Variants in SIRT1 observed in about 807,000 individuals in gnomAD.
SIRT1 encodes sirtuin 1, also known as NAD-dependent protein deacetylase sirtuin-1.
In SIRT1, 24 loss-of-function variants were observed where a neutral mutation model predicts 67.9. The ratio of observed to expected loss-of-function variants is 0.35; its 90% CI spans 0.26 to 0.50. SIRT1 has a LOEUF of 0.50. SIRT1 is among the 20% of genes least tolerant of loss of function. The pLI is 0.98. For missense variants in SIRT1, 873 were observed against 937.2 expected, an observed-to-expected ratio of 0.93 and a Z score of 0.89; for synonymous variants, 378 against 350.7, an observed-to-expected ratio of 1.08 and a Z score of -0.87.
Position 67,917,429 on chromosome 10 carries a change from T to C in SIRT1, c.*836T>C, listed in dbSNP as rs202101696. On this transcript the variant is annotated 3_prime_UTR_variant, in exon 9 of 9. Transcript: ENST00000212015. ...AGTTTTGAAATATTTGCCATTGTTG[T>C]TTAAATACCTATCACTGTGGTAGAG... The C allele has an allele frequency of 1.3e-5, 2 of 152,656 alleles. No individual in the cohort carries two copies. Among genetic ancestry groups the C allele is most frequent in the East Asian group, 3.8e-4 (2 of 5,202 alleles). The allele number at this position is 152,656 out of a possible 1,614,324, so 9.5% of individuals were successfully genotyped here. A position where few individuals can be genotyped will look rare whatever the true frequency, so the allele number is the denominator to read the frequency against.
At chr10:67,894,939 G>A (rs931901359) in intron 4 of SIRT1, among the ~76,000 whole-genome samples, 2 of 152,050 alleles carry the variant, frequency 1.3e-5, no homozygotes, top group East Asian at 1.9e-4. Context: ...CTCGTGATCC[G>A]CCCGTTTCAG....
At chr10:67,902,366 C>T (rs905200949) in intron 4 of SIRT1, among the ~76,000 whole-genome samples, 1 of 152,176 alleles carries the variant, frequency 6.6e-6, no homozygotes, top group Non-Finnish European at 1.5e-5. Context: ...CCCACCTCCA[C>T]CCCCTGCTAA....
intron 1 of SIRT1, chr10:67,885,484 T>TTTTCTTTTTC (rs1842463062): frequency 2.1e-6 from 2 of 951,016 alleles, no homozygotes; most frequent in Non-Finnish European, 2.7e-6. Flanking sequence ...AGAGCTTTTT[T>TTTTCTTTTTC]TTTCTTTTTC....
At chr10:67,908,696 AAG>A (rs1842855285) in intron 6 of SIRT1, among the ~76,000 whole-genome samples, 1 of 152,094 alleles carries the variant, frequency 6.6e-6, no homozygotes, top group Non-Finnish European at 1.5e-5. Flanking sequence ...TTGAGGTCAG[AAG>A]TGAGACCAGC....
rs935919823 is a variant in SIRT1 at position 67,884,685 on chromosome 10, G to A, written c.-37G>A. The A allele has an allele frequency of 9.8e-6, 12 of 1,227,088 alleles. No individual in the cohort carries two copies. Among genetic ancestry groups the A allele is most frequent in the African/African-American group, 6.2e-5 (4 of 64,136 alleles). The allele number at this position is 1,227,088 out of a possible 1,614,324, so 76.0% of individuals were successfully genotyped here. ...GTGCCGCGCGTCGAGCGGGAGCAGA[G>A]GAGGCGAGGGAGGAGGGCCAGAGAG... On this transcript the variant is annotated 5_prime_UTR_variant, in exon 1 of 9. Transcript: ENST00000212015.
At chr10:67,887,703 A>G (rs545255232) in intron 2 of SIRT1, among the ~76,000 whole-genome samples, 170 bp downstream of exon 2, 49 of 152,298 alleles carry the variant, frequency 3.2e-4, no homozygotes, top group African/African-American at 1.2e-3. Context: ...CAGCCTCCCC[A>G]GCAGCTGGGA....
chr10:67,886,704 A>G (rs1487056481), intron 1 of SIRT1, among the ~76,000 whole-genome samples: 2 of 152,276 alleles, frequency 1.3e-5, no homozygotes, highest in East Asian at 3.9e-4. Flanking sequence ...AGAGGAAACA[A>G]TGCAGAGGTA....
At chr10:67,906,081 G>C (rs1363055255) in intron 4 of SIRT1, 1 of 1,177,972 alleles carries the variant, frequency 8.5e-7, no homozygotes, top group South Asian at 3.4e-5. Flanking sequence ...TAAAAACACT[G>C]TCAAAAGTTG....
At chr10:67,904,838 C>CT (rs1842797438) in intron 4 of SIRT1, among the ~76,000 whole-genome samples, 2 of 108,118 alleles carry the variant, frequency 1.8e-5, no homozygotes, top group African/African-American at 3.0e-5. Context: ...GAGCGAAACT[C>CT]TGTCTCAAAA....
intron 4 of SIRT1, among the ~76,000 whole-genome samples, chr10:67,893,579 G>C (rs946033173): frequency 7.2e-6 from 1 of 139,552 alleles, no homozygotes; most frequent in South Asian, 2.2e-4. Context: ...GTCTGGCTCT[G>C]TTTCCCAGGC....
chr10:67,898,807 G>A (rs546804728), intron 4 of SIRT1, among the ~76,000 whole-genome samples: 16 of 152,128 alleles, frequency 1.1e-4, no homozygotes, highest in Admixed American at 6.6e-5. Context: ...CTGCACACCA[G>A]CCTGAGTGAC....
At chr10:67,893,160 G>C (rs1480936761) in intron 4 of SIRT1, among the ~76,000 whole-genome samples, 1 of 152,128 alleles carries the variant, frequency 6.6e-6, no homozygotes, top group Non-Finnish European at 1.5e-5. Flanking sequence ...TTAAGTGCCG[G>C]GATACATGTG....
Position 67,884,705 on chromosome 10 carries a change from A to T in SIRT1, c.-17A>T. On this transcript the variant is annotated 5_prime_UTR_variant, in exon 1 of 9. Coordinates refer to ENST00000212015, the MANE Select transcript of SIRT1 (RefSeq NM_012238.5). ...GCAGAGGAGGCGAGGGAGGAGGGCC[A>T]GAGAGGCAGTTGGAAGATGGCGGAC... 8.1e-7 allele frequency: 1 copy of T among 1,228,302 alleles called. No individual in the cohort carries two copies. The highest frequency in any genetic ancestry group is 1.6e-5 in the African/African-American group (1 of 64,280). 76.1% of individuals were successfully genotyped at this position (1,228,302 alleles called of 1,614,324 possible).
chr10:67,904,177 A>AT (rs1842787278), intron 4 of SIRT1, among the ~76,000 whole-genome samples: 2 of 139,218 alleles, frequency 1.4e-5, no homozygotes, highest in Non-Finnish European at 3.0e-5. Flanking sequence ...CCCAGGCTGG[A>AT]GAGCAGTGAT....
chr10:67,904,149 A>AAGGCTCTCACTCTGTCACCC (rs1554890923), intron 4 of SIRT1, among the ~76,000 whole-genome samples: 1 of 139,954 alleles, frequency 7.1e-6, no homozygotes, highest in Non-Finnish European at 1.5e-5. Context: ...TTTTTTTTTA[A>AAGGCTCTCACTCTGTCACCC]AGGCTCTCAC....
chr10:67,887,823 G>T (rs187252268), intron 2 of SIRT1, among the ~76,000 whole-genome samples: 2 of 152,188 alleles, frequency 1.3e-5, no homozygotes, highest in African/African-American at 4.8e-5. Context: ...TGATCCGTCC[G>T]CCTGGGCCTC....
intron 4 of SIRT1, among the ~76,000 whole-genome samples, chr10:67,892,510 C>CT (rs1842589192): frequency 6.6e-6 from 1 of 152,102 alleles, no homozygotes; most frequent in Non-Finnish European, 1.5e-5. Context: ...GAGCTCAAGA[C>CT]TGAGTGAACC....
chr10:67,907,978 C>A, intron 5 of SIRT1, 68 bp from the exon 6 acceptor site: 3 of 1,302,392 alleles, frequency 2.3e-6, no homozygotes, highest in Middle Eastern at 1.9e-4. Flanking sequence ...AACTTTATAA[C>A]GTTTGTGGTG....
rs144625497 is a variant in SIRT1, at chr10:67,912,833, G to A, written c.1717G>A (p.Gly573Ser). 26 of 1,613,916 alleles carry A rather than the reference G, an allele frequency of 1.6e-5. No individual in the cohort carries two copies. Among genetic ancestry groups the A allele is most frequent in the Non-Finnish European group, 2.2e-5 (26 of 1,180,018 alleles). The change falls in exon 8 of 9, where the codon GGT becomes AGT. Residue 573 changes from glycine to serine, a missense_variant. Around this residue, in one of 3 missense-constraint regions of SIRT1, gnomAD observed 295 missense variants for 294.5 expected, o/e 1.00. Transcript: ENST00000212015. ...TGATTTAGATGTGTCTGAATCAAAA[G>A]GTTGTATGGAAGAAAAACCACAGGA... ...NDDLDVSESK[G>S]CMEEKPQEVQ...
Sources: gnomAD v4.1 joint callset for allele counts (sites outside exome capture counted in the v4.1 genomes callset) on GRCh38, gnomAD v4.1.1 for gene constraint, gnomAD v4.1.1 regional missense constraint, MANE v1.5 for transcripts, NCBI Gene and HGNC (gene_info 2026-07-23, HGNC 2026-07-21) for gene names.